Variants in TSNAX observed in about 807,000 individuals in gnomAD.
The protein encoded by TSNAX is translin associated factor X.
TSNAX carries 12 observed loss-of-function variants against 33.0 expected under a neutral mutation model. The ratio of observed to expected loss-of-function variants is 0.36; its 90% CI spans 0.23 to 0.59. TSNAX has a LOEUF of 0.59. TSNAX is among the 20% of genes least tolerant of loss of function. The pLI, the probability that TSNAX is intolerant of heterozygous loss-of-function variation, is 0.74. For synonymous variants in TSNAX, 110 were observed against 117.2 expected, an observed-to-expected ratio of 0.94 and a Z score of 0.40; for missense variants, 267 against 341.3, an observed-to-expected ratio of 0.78 and a Z score of 1.72.
chr1:231,545,864 A>G (rs1659874559), intron 4 of TSNAX, among the ~76,000 whole-genome samples: 1 of 152,146 alleles, frequency 6.6e-6, no homozygotes, highest in Admixed American at 6.5e-5. Context: ...TATTTTTACC[A>G]CTTCACAGGC....
Position 231,566,162 on chromosome 1 carries a change from A to G in TSNAX, c.*1257A>G, listed in dbSNP as rs1661418609. ...TAAATAATTATAATGAAGTTTTGAA[A>G]TACTAAGTTAATCCAGACCTTTAGT... On this transcript the variant is annotated 3_prime_UTR_variant, in exon 6 of 6. Transcript: ENST00000366639. 6.6e-6 allele frequency: 1 copy of G among 152,614 alleles called. No homozygotes were observed. Among genetic ancestry groups the G allele is most frequent in the African/African-American group, 2.4e-5 (1 of 41,456 alleles). 9.5% of individuals were successfully genotyped at this position (152,614 alleles called of 1,614,324 possible). A position where few individuals can be genotyped will look rare whatever the true frequency, so the allele number is the denominator to read the frequency against.
chr1:231,542,698 A>G, intron 4 of TSNAX, 87 bp downstream of exon 4: 1 of 1,386,974 alleles, frequency 7.2e-7, no homozygotes, highest in Non-Finnish European at 9.8e-7. Flanking sequence ...TTTAAGTGAC[A>G]CCTGATGAAA....
chr1:231,558,518 TA>T (rs1325772038), intron 4 of TSNAX, among the ~76,000 whole-genome samples: 1 of 152,210 alleles, frequency 6.6e-6, no homozygotes, highest in Non-Finnish European at 1.5e-5. Context: ...CTTTTAACTT[TA>T]AAAAATTTTT....
rs981067096 is a variant in TSNAX, at chr1:231,529,821, T to C, written c.121+462T>C. ...TATACACATATTTTCACAGTCCCCT[T>C]TTCTCAGCATATTAACTTGGACAAG... On this transcript the variant is annotated intron_variant, in intron 2 of 5. Coordinates refer to ENST00000366639, the MANE Select transcript of TSNAX (RefSeq NM_005999.3). 9.8e-5 allele frequency among the ~76,000 whole-genome samples: 15 copies of C among 152,340 alleles called. No homozygotes were observed. In the East Asian group the frequency reaches 2.9e-3, roughly 29 times the overall value.
intron 3 of TSNAX, among the ~76,000 whole-genome samples, chr1:231,540,173 C>CAAAAAAAAAAAAAAAAAAAAAAAAAAAAA (rs10714707): frequency 1.4e-5 from 1 of 70,428 alleles, no homozygotes; most frequent in Non-Finnish European, 3.3e-5. Context: ...GACTCTGTCT[C>CAAAAAAAAAAAAAAAAAAAAAAAAAAAAA]AAAAAAAAAA....
chr1:231,533,390 C>A (rs374119200), intron 2 of TSNAX, among the ~76,000 whole-genome samples: 1 of 152,168 alleles, frequency 6.6e-6, no homozygotes, highest in Admixed American at 6.5e-5. Flanking sequence ...CGTGAGCCAT[C>A]GCGCCCGGCC....
At chr1:231,529,199 G>A (rs1658481338) in intron 1 of TSNAX, 56 bp from the exon 2 acceptor site, 1 of 1,577,706 alleles carries the variant, frequency 6.3e-7, no homozygotes, top group African/African-American at 1.4e-5. Context: ...TCTATGTTGT[G>A]TTTTGCAAAC....
chr1:231,537,154 A>G lies in TSNAX; in HGVS notation c.122-59A>G, dbSNP rs1659235692. 50 of 1,326,808 alleles carry G rather than the reference A, an allele frequency of 3.8e-5. No individual in the cohort carries two copies. The South Asian group carries it at 5.1e-4, about 14-fold the overall frequency. 82.2% of individuals were successfully genotyped at this position (1,326,808 alleles called of 1,614,324 possible). On this transcript the variant is annotated intron_variant, in intron 2 of 5. Transcript: ENST00000366639. ...CATATGTGACGTACATCTTAAAAATATTGTTTGGTAGGCTTTGAGTATAGA... is the reference window on the plus strand; with the variant it reads ...CATATGTGACGTACATCTTAAAAATGTTGTTTGGTAGGCTTTGAGTATAGA...
At chr1:231,557,125 TG>T (rs60013103) in intron 4 of TSNAX, among the ~76,000 whole-genome samples, 2,399 of 152,224 alleles carry the variant, frequency 0.016, 73 homozygotes, top group African/African-American at 0.055. Flanking sequence ...AGTTCATTGT[TG>T]GAAGTGTTGA....
chr1:231,545,689 G>A (rs191113884), intron 4 of TSNAX, among the ~76,000 whole-genome samples: 3 of 151,590 alleles, frequency 2.0e-5, no homozygotes, highest in East Asian at 3.9e-4. Context: ...GAGACATTTC[G>A]GTACACAAAA....
At chr1:231,529,699 T>A (rs2124867395) in intron 2 of TSNAX, among the ~76,000 whole-genome samples, 1 of 152,368 alleles carries the variant, frequency 6.6e-6, no homozygotes, top group East Asian at 1.9e-4. Context: ...ATTTGTTTCC[T>A]CTACTAGACT....
rs1200658504 is a variant in TSNAX at position 231,542,618 on chromosome 1, C to G, written c.367+7C>G. 1 of 1,612,288 alleles carries G rather than the reference C, an allele frequency of 6.2e-7. No individual in the cohort carries two copies. Among genetic ancestry groups the G allele is most frequent in the Non-Finnish European group, 8.5e-7 (1 of 1,179,196 alleles). On this transcript the variant is annotated splice_region_variant and intron_variant, in intron 4 of 5. Transcript: ENST00000366639. ...CATCGAGCCATTACTACAGGTAAGTCTAGGTTTGTTTCAGGGTAATATATA... is the reference window on the plus strand; with the variant it reads ...CATCGAGCCATTACTACAGGTAAGTGTAGGTTTGTTTCAGGGTAATATATA...
At chr1:231,559,979 A>AT (rs1391377793) in intron 4 of TSNAX, among the ~76,000 whole-genome samples, 12 of 147,752 alleles carry the variant, frequency 8.1e-5, no homozygotes, top group South Asian at 6.4e-4. Context: ...TATTATTATT[A>AT]TTATTATTTT....
At chr1:231,552,869 G>A (rs543933973) in intron 4 of TSNAX, among the ~76,000 whole-genome samples, 71 of 152,152 alleles carry the variant, frequency 4.7e-4, no homozygotes, top group African/African-American at 1.6e-3. Context: ...CTTGCGTCTG[G>A]TTTCTTAGAG....
chr1:231,532,389 C>T (rs1184578134), intron 2 of TSNAX, among the ~76,000 whole-genome samples: 1 of 151,794 alleles, frequency 6.6e-6, no homozygotes, highest in Admixed American at 6.6e-5. Flanking sequence ...GGCAGGGTCT[C>T]ACTGTGTTGC....
rs1365088199 is a variant in TSNAX at position 231,564,700 on chromosome 1, A to G, written c.668A>G (p.Gln223Arg). ...TPFEVSQFLR[Q>R]VYDGFSFIGN... The stretch of plus-strand genomic sequence containing the variant: ...TTTGAAGTGAGCCAGTTTTTACGTC[A>G]GGTTTATGATGGGTTTTCATTCATT... The change falls in exon 6 of 6, where the codon CAG (glutamine) becomes CGG (arginine). Residue 223 changes from glutamine (Q) to arginine (R), a missense_variant. Physicochemically the swap from Gln to Arg is conservative, Grantham distance 43. Coordinates refer to ENST00000366639, the MANE Select transcript of TSNAX (RefSeq NM_005999.3). The G allele has an allele frequency of 6.2e-7, 1 of 1,614,030 alleles. No individual in the cohort carries two copies. The highest frequency in any genetic ancestry group is 1.7e-5 in the Admixed American group (1 of 59,990).
intron 5 of TSNAX, among the ~76,000 whole-genome samples, chr1:231,561,833 T>C (rs1224575750): frequency 2.6e-5 from 4 of 152,166 alleles, no homozygotes; most frequent in Non-Finnish European, 5.9e-5. Context: ...AATTAGGCAA[T>C]ATACAGCAGC....
chr1:231,566,103 T>G lies in TSNAX; in HGVS notation c.*1198T>G, dbSNP rs896868576. On this transcript the variant is annotated 3_prime_UTR_variant, in exon 6 of 6. Transcript: ENST00000366639. ...AATTAAATAATTTAAATCTAGCATT[T>G]AAATTTAAATAATTTAAGTCTAGCA... is the stretch of plus-strand genomic sequence containing the variant. The G allele has an allele frequency of 3.9e-5, 6 of 152,576 alleles. No individual in the cohort carries two copies. The highest frequency in any genetic ancestry group is 7.3e-5 in the Non-Finnish European group (5 of 68,032). 9.5% of individuals were successfully genotyped at this position (152,576 alleles called of 1,614,324 possible).
At chr1:231,530,458 G>T (rs945670509) in intron 2 of TSNAX, among the ~76,000 whole-genome samples, 1 of 152,132 alleles carries the variant, frequency 6.6e-6, no homozygotes, top group Middle Eastern at 3.2e-3. Flanking sequence ...ACTTTGGGAG[G>T]CCGAGGCGGG....
Sources: allele counts gnomAD v4.1 joint callset (sites outside exome capture counted in the v4.1 genomes callset), GRCh38; gene constraint gnomAD v4.1.1; transcripts MANE v1.5; gene names NCBI Gene and HGNC (gene_info 2026-07-23, HGNC 2026-07-21).